TBC1D19: variants seen among roughly 807,000 people sequenced by gnomAD.
TBC1D19 encodes TBC1 domain family member 19, also known as TBC1 domain family, member 19.
In TBC1D19, 60 loss-of-function variants were observed where a neutral mutation model predicts 89.0. The ratio of observed to expected loss-of-function variants is 0.67; its 90% CI spans 0.55 to 0.84. The LOEUF (loss-of-function observed/expected upper bound fraction) is 0.84, where lower values mean the gene tolerates loss of function less well. Ranked by LOEUF, TBC1D19 falls within the 40% of genes least tolerant of loss-of-function variation. The pLI is 0.00. For synonymous variants in TBC1D19, 189 were observed against 199.7 expected (o/e 0.95, Z 0.45); for missense variants, 500 against 610.8 (o/e 0.82, Z 1.91).
chr4:26,697,819 T>A (rs964973027), intron 13 of TBC1D19, among the ~76,000 whole-genome samples: 10 of 152,192 alleles, frequency 6.6e-5, no homozygotes, highest in African/African-American at 2.4e-4. Context: ...CAACACTTCA[T>A]GCTAAAAACT....
intron 4 of TBC1D19, among the ~76,000 whole-genome samples, chr4:26,626,201 G>A (rs1047566848): frequency 1.3e-5 from 2 of 152,052 alleles, no homozygotes; most frequent in Non-Finnish European, 1.5e-5. Context: ...GCATGTTAAA[G>A]GTTTGGAGAA....
At chr4:26,743,454 A>G (rs530085093) in intron 18 of TBC1D19, among the ~76,000 whole-genome samples, 7 of 152,202 alleles carry the variant, frequency 4.6e-5, no homozygotes, top group Admixed American at 2.6e-4. Context: ...TTTTTAATTT[A>G]TCAAAGCCTC....
chr4:26,744,754 T>TTA (rs1718550858), intron 18 of TBC1D19, among the ~76,000 whole-genome samples: 1 of 152,126 alleles, frequency 6.6e-6, no homozygotes, highest in African/African-American at 2.4e-5. Context: ...ATTTCAGTTG[T>TTA]TTTAAATGTG....
chr4:26,705,844 G>A (rs1044036366), intron 13 of TBC1D19, among the ~76,000 whole-genome samples: 1 of 152,046 alleles, frequency 6.6e-6, no homozygotes, highest in Non-Finnish European at 1.5e-5. Flanking sequence ...AATGAATTAA[G>A]AAGTGTTTTC....
At chr4:26,794,372 A>T in the TBC1D19 span, among the ~76,000 whole-genome samples, 1 of 152,176 alleles carries the variant, frequency 6.6e-6, no homozygotes, top group South Asian at 2.1e-4. Context: ...TAATGAAAGA[A>T]TAAATGAAAA....
intron 11 of TBC1D19, among the ~76,000 whole-genome samples, chr4:26,682,960 T>G (rs531762623): frequency 6.6e-6 from 1 of 152,108 alleles, no homozygotes; most frequent in Non-Finnish European, 1.5e-5. Flanking sequence ...ATTTATTTAT[T>G]TTAGAGACTG....
At chr4:26,808,741 A>AAG in the TBC1D19 span, among the ~76,000 whole-genome samples, 18 of 150,388 alleles carry the variant, frequency 1.2e-4, no homozygotes, top group African/African-American at 2.7e-4. Context: ...AAAAAAAAAA[A>AAG]AAAAAGAAAA....
chr4:26,846,084 T>G, the TBC1D19 span, among the ~76,000 whole-genome samples: 1 of 152,224 alleles, frequency 6.6e-6, no homozygotes, highest in African/African-American at 2.4e-5. Context: ...TGTATCAGAA[T>G]TGTATTCCTT....
chr4:26,748,411 A>T lies in TBC1D19; in HGVS notation c.1320A>T (p.Pro440=). The change falls in exon 19 of 21, where the codon CCA becomes CCT. Residue 440 remains proline (P), a splice_region_variant and synonymous_variant. Transcript: ENST00000264866. Reference sequence around the variant, plus strand: ...AATTTTTATTTTTCCTTGCTTATAGACTTCGCATATCATTTAAGTGGATGG... The same window carrying T: ...AATTTTTATTTTTCCTTGCTTATAGTCTTCGCATATCATTTAAGTGGATGG... ...FYHLREIGAQ[P]LRISFKWMVR... The T allele has an allele frequency of 6.2e-7, 1 of 1,609,370 alleles. No homozygotes were observed. Among genetic ancestry groups the T allele is most frequent in the Non-Finnish European group, 8.5e-7 (1 of 1,176,882 alleles).
chr4:26,676,852 GTCT>G (rs1168134877), intron 11 of TBC1D19, among the ~76,000 whole-genome samples: 2 of 151,998 alleles, frequency 1.3e-5, no homozygotes, highest in Non-Finnish European at 2.9e-5. Flanking sequence ...TTTGTGGAGG[GTCT>G]TCTTTGTCTT....
In TBC1D19 at chr4:26,627,860, T is replaced by C. The variant is rs1349397880; in HGVS notation, c.294+7172T>C. 3.9e-5 allele frequency among the ~76,000 whole-genome samples: 6 copies of C among 152,046 alleles called. No homozygotes were observed. The South Asian group carries it at 1.2e-3, about 32-fold the overall frequency. On this transcript the variant is annotated intron_variant, in intron 4 of 20. Coordinates refer to ENST00000264866, the MANE Select transcript of TBC1D19 (RefSeq NM_018317.4). Reference sequence around the variant, plus strand: ...TTGCCTGTTCACTCTGATGGTAGTTTCTTTTGCTGTGCAGAAGCTCTTTAG... The same window carrying C: ...TTGCCTGTTCACTCTGATGGTAGTTCCTTTTGCTGTGCAGAAGCTCTTTAG...
chr4:26,831,467 G>A, the TBC1D19 span, among the ~76,000 whole-genome samples: 5 of 152,102 alleles, frequency 3.3e-5, no homozygotes, highest in African/African-American at 1.2e-4. Context: ...AGATGAGTGT[G>A]ATGGGCTTTC....
chr4:26,593,098 G>A (rs1039859725), intron 1 of TBC1D19, among the ~76,000 whole-genome samples: 8 of 152,166 alleles, frequency 5.3e-5, no homozygotes, highest in African/African-American at 1.9e-4. Flanking sequence ...ATACTACAAG[G>A]CTACAGTAAC....
chr4:26,821,474 G>C, the TBC1D19 span, among the ~76,000 whole-genome samples: 1 of 152,152 alleles, frequency 6.6e-6, no homozygotes, highest in Non-Finnish European at 1.5e-5. Flanking sequence ...ATGTAAACAG[G>C]TATTTATTTT....
At chr4:26,802,524 C>T in the TBC1D19 span, among the ~76,000 whole-genome samples, 2,871 of 152,126 alleles carry the variant, frequency 0.019, 184 homozygotes, top group East Asian at 0.23. Context: ...GTTGCTTGAA[C>T]CTGGGAGGCG....
At chr4:26,601,068 C>T (rs1740564441) in intron 1 of TBC1D19, among the ~76,000 whole-genome samples, 1 of 151,864 alleles carries the variant, frequency 6.6e-6, no homozygotes, top group South Asian at 2.1e-4. Context: ...AAGGACATAT[C>T]CTTTTAAAAT....
chr4:26,661,521 A>G (rs1210769215), intron 8 of TBC1D19, among the ~76,000 whole-genome samples: 1 of 152,146 alleles, frequency 6.6e-6, no homozygotes, highest in Non-Finnish European at 1.5e-5. Context: ...CTAAATCGGA[A>G]CGACCAACCT....
At chr4:26,656,993 C>CCTTCTCCTTCTCCTTCTG (rs1744882166) in intron 7 of TBC1D19, among the ~76,000 whole-genome samples, 1 of 33,334 alleles carries the variant, frequency 3.0e-5, no homozygotes, top group African/African-American at 1.3e-4. Flanking sequence ...TTCTTCTTCT[C>CCTTCTCCTTCTCCTTCTG]CTTCTCCTTC....
rs1350767825 is a variant in TBC1D19 at position 26,755,048 on chromosome 4, G to A, written c.*101G>A. 2.9e-6 allele frequency: 3 copies of A among 1,041,952 alleles called. No homozygotes were observed. The highest frequency in any genetic ancestry group is 5.4e-5 in the East Asian group (2 of 37,014). The allele number at this position is 1,041,952 out of a possible 1,614,324, so 64.5% of individuals were successfully genotyped here. A position where few individuals can be genotyped will look rare whatever the true frequency, so the allele number is the denominator to read the frequency against. On this transcript the variant is annotated 3_prime_UTR_variant, in exon 21 of 21. Coordinates refer to ENST00000264866, the MANE Select transcript of TBC1D19 (RefSeq NM_018317.4). ...AACCAAAATGAAACTTTGCATATAA[G>A]CCAATAAAGATCATGTTCCCTCTTC...
Sources: gnomAD v4.1 joint callset for allele counts (sites outside exome capture counted in the v4.1 genomes callset) on GRCh38, gnomAD v4.1.1 for gene constraint, MANE v1.5 for transcripts, NCBI Gene and HGNC (gene_info 2026-07-23, HGNC 2026-07-21) for gene names.